GAK: variants seen among roughly 807,000 people sequenced by gnomAD.
GAK encodes cyclin-G-associated kinase.
Under a neutral mutation model 143.9 loss-of-function variants are expected in GAK, and 79 were observed. The ratio of observed to expected loss-of-function variants is 0.55; its 90% confidence interval spans 0.46 to 0.66. GAK has a LOEUF of 0.66. Ranked by LOEUF, GAK falls within the 30% of genes least tolerant of loss-of-function variation. The pLI is 0.00. For synonymous variants in GAK, 881 were observed against 765.5 expected (o/e 1.15, Z -2.49); for missense variants, 1,693 against 1,779.7 (o/e 0.95, Z 0.88).
At chr4:849,833 GACCCCCCC>G in intron 27 of GAK, 51 bp downstream of exon 27, 2 of 1,190,130 alleles carry the variant, frequency 1.7e-6, no homozygotes, top group Non-Finnish European at 2.3e-6. Flanking sequence ...GGCGGGGCAG[GACCCCCCC>G]CCCGCCCCGC....
intron 10 of GAK, 152 bp from the exon 11 acceptor site, chr4:889,122 A>G: frequency 2.0e-6 from 2 of 1,004,870 alleles, no homozygotes; most frequent in Non-Finnish European, 2.8e-6. Context: ...GGCTGGGCCC[A>G]GGCAGCAGGA....
At position 932,053 on chromosome 4, in the gene GAK, G is replaced by A. The variant is rs1725966863; in HGVS notation, c.135C>T (p.Val45=). The change falls in exon 1 of 28, where the codon GTC becomes GTT. Residue 45 remains valine (V), a synonymous_variant. Coordinates refer to ENST00000314167, the MANE Select transcript of GAK (RefSeq NM_005255.4). This position sits in a 1 kb window ranked among gnomAD's most constrained non-coding sequence, Gnocchi z 4.0. Reference sequence around the variant, plus strand: ...GACCCGGGGCCTCACCTTCGGCCAGGACCCGCCGCACCCGCAGCCGCAGCT... The same window carrying A: ...GACCCGGGGCCTCACCTTCGGCCAGAACCCGCCGCACCCGCAGCCGCAGCT... The part of the protein sequence containing the change: ...LGELRLRVRR[V]LAEGGFAFVY... 2 of 1,584,802 alleles carry A rather than the reference G, an allele frequency of 1.3e-6. No homozygotes were observed. The highest frequency in any genetic ancestry group is 1.1e-5 in the South Asian group (1 of 87,938).
At chr4:929,790 T>A (rs1372660858) in intron 1 of GAK, among the ~76,000 whole-genome samples, 1 of 152,048 alleles carries the variant, frequency 6.6e-6, no homozygotes, top group African/African-American at 2.4e-5. Flanking sequence ...AAGTCCAAAT[T>A]CCTAAAAGCT....
chr4:922,393 T>TA (rs978059931), intron 1 of GAK, among the ~76,000 whole-genome samples: 1 of 151,582 alleles, frequency 6.6e-6, no homozygotes, highest in Non-Finnish European at 1.5e-5. Context: ...TGGGCGCCTG[T>TA]AGTCCCAGCT....
rs1254423306 is a variant in GAK, at chr4:849,417, A to C, written c.*256T>G. On this transcript the variant is annotated 3_prime_UTR_variant, in exon 28 of 28. Coordinates refer to ENST00000314167, the MANE Select transcript of GAK (RefSeq NM_005255.4). The stretch of plus-strand genomic sequence containing the variant: ...AGAGGCCACGCCCGAAACACCAAAT[A>C]AATCACAGACGTGACAATTGCGGGA... 3 of 538,290 alleles carry C rather than the reference A, an allele frequency of 5.6e-6. No individual in the cohort carries two copies. The highest frequency in any genetic ancestry group is 4.7e-5 in the South Asian group (2 of 42,648). 33.3% of individuals were successfully genotyped at this position (538,290 alleles called of 1,614,324 possible).
chr4:859,292 C>T lies in GAK; in HGVS notation c.3283+314G>A, dbSNP rs1344918101. 8 of 1,293,170 alleles carry T rather than the reference C, an allele frequency of 6.2e-6. No homozygotes were observed. The Admixed American group carries it at 1.9e-4, about 30-fold the overall frequency. The allele number at this position is 1,293,170 out of a possible 1,614,324, so 80.1% of individuals were successfully genotyped here. A position where few individuals can be genotyped will look rare whatever the true frequency, so the allele number is the denominator to read the frequency against. On this transcript the variant is annotated intron_variant, in intron 24 of 27. Transcript: ENST00000314167. ...GGGACTGAGCAGAGCCCAGCTACAC[C>T]CCACTTCCATGCAGAGACCCCGCCT... is the stretch of plus-strand genomic sequence containing the variant.
At position 932,083 on chromosome 4, in the gene GAK, C is replaced by A; in HGVS notation, c.105G>T (p.Leu35=). The A allele has an allele frequency of 6.2e-7, 1 of 1,603,666 alleles. No homozygotes were observed. Residue 35 remains leucine, a synonymous_variant, in exon 1 of 28, where the codon CTG becomes CTT. Transcript: ENST00000314167. The surrounding 1 kb of genome is among the most constrained non-coding windows in gnomAD (Gnocchi z 4.0). ...QSDFVGQTVE[L]GELRLRVRRV... ...GCCGCACCCGCAGCCGCAGCTCGCCCAGTTCCACCGTCTGCCCCACGAAGT... is the reference window on the plus strand; with the variant it reads ...GCCGCACCCGCAGCCGCAGCTCGCCAAGTTCCACCGTCTGCCCCACGAAGT...
At position 859,177 on chromosome 4, in the gene GAK, G is replaced by A. The variant is rs548096384; in HGVS notation, c.3283+429C>T. ...TGGGACCGGAGACTCAGACCACAGC[G>A]CCCGGGCCGGGCCTGAGGCAGACGC... On this transcript the variant is annotated intron_variant, in intron 24 of 27. Coordinates refer to ENST00000314167, the MANE Select transcript of GAK (RefSeq NM_005255.4). 2.1e-5 allele frequency: 21 copies of A among 984,894 alleles called. No homozygotes were observed. In the South Asian group the frequency reaches 2.4e-4, roughly 11 times the overall value. 61.0% of individuals were successfully genotyped at this position (984,894 alleles called of 1,614,324 possible).
chr4:907,874 C>T (rs1224169383), intron 4 of GAK, among the ~76,000 whole-genome samples: 1 of 152,146 alleles, frequency 6.6e-6, no homozygotes, highest in Non-Finnish European at 1.5e-5. Flanking sequence ...AGTGAGCTGG[C>T]GCGCGCATGC....
At chr4:919,945 G>A (rs935806541) in intron 1 of GAK, among the ~76,000 whole-genome samples, 56 of 152,334 alleles carry the variant, frequency 3.7e-4, no homozygotes, top group African/African-American at 1.3e-3. Context: ...GAACCCAGGA[G>A]TTTGAGGCTG....
Position 893,787 on chromosome 4 carries a change from G to A in GAK, c.877+87C>T, listed in dbSNP as rs1055651742. 4.2e-6 allele frequency: 6 copies of A among 1,427,040 alleles called. No homozygotes were observed. The Admixed American group carries it at 1.5e-4, about 35-fold the overall frequency. The allele number at this position is 1,427,040 out of a possible 1,614,324, so 88.4% of individuals were successfully genotyped here. On this transcript the variant is annotated intron_variant, in intron 8 of 27. Coordinates refer to ENST00000314167, the MANE Select transcript of GAK (RefSeq NM_005255.4). ...GGGCGGGAGTGGGGCCAGGTGAGCA[G>A]TGCCCCAAGGGGAGCGGGGTCTCCA...
intron 24 of GAK, chr4:859,395 T>C (rs2152714719): frequency 1.3e-6 from 2 of 1,508,312 alleles, no homozygotes; most frequent in Non-Finnish European, 1.8e-6. Context: ...GCAGTGCCAG[T>C]GTCAGCAACT....
intron 22 of GAK, 147 bp from the exon 23 acceptor site, chr4:865,391 C>T: frequency 4.3e-6 from 4 of 933,312 alleles, no homozygotes; most frequent in Non-Finnish European, 6.5e-6. Context: ...CCTCTCTCTT[C>T]CTGAAGGGTC....
chr4:907,757 G>A (rs984337255), intron 4 of GAK, among the ~76,000 whole-genome samples: 4 of 152,270 alleles, frequency 2.6e-5, no homozygotes, highest in Non-Finnish European at 5.9e-5. Flanking sequence ...CATCCCTCCC[G>A]CTTCTCAGAG....
chr4:911,092 C>T (rs1285108807), intron 4 of GAK, among the ~76,000 whole-genome samples: 1 of 152,172 alleles, frequency 6.6e-6, no homozygotes, highest in Non-Finnish European at 1.5e-5. Flanking sequence ...GCCTCTCTTC[C>T]TGTCCTGACA....
chr4:864,485 G>A (rs982940987), intron 23 of GAK, among the ~76,000 whole-genome samples: 4 of 152,326 alleles, frequency 2.6e-5, no homozygotes, highest in South Asian at 2.1e-4. Flanking sequence ...AAGCAAACCC[G>A]CGACATCGCT....
chr4:898,313 G>A (rs535825536), intron 5 of GAK, among the ~76,000 whole-genome samples, 155 bp from the exon 6 acceptor site: 21 of 152,176 alleles, frequency 1.4e-4, no homozygotes, highest in Non-Finnish European at 2.5e-4. Context: ...TCACACCTGC[G>A]GACACAGCCA....
At chr4:881,604 C>T (rs1715119018) in intron 15 of GAK, among the ~76,000 whole-genome samples, 1 of 150,836 alleles carries the variant, frequency 6.6e-6, no homozygotes, top group Admixed American at 6.5e-5. Flanking sequence ...ACGGCATTTT[C>T]ACGTGCATTA....
chr4:913,908 G>GC lies in GAK; in HGVS notation c.146-241dup, dbSNP rs1444741050. On this transcript the variant is annotated intron_variant, in intron 1 of 27. Coordinates refer to ENST00000314167, the MANE Select transcript of GAK (RefSeq NM_005255.4). ...CACACACACAGCCCCAGCGTGCACG[G>GC]CCCCACACACACACACAGCCCCAGC... 16 of 228,468 alleles carry GC rather than the reference G, an allele frequency of 7.0e-5. No individual in the cohort carries two copies. The African/African-American group carries it at 1.0e-3, about 14-fold the overall frequency. 14.2% of individuals were successfully genotyped at this position (228,468 alleles called of 1,614,324 possible). A position where few individuals can be genotyped will look rare whatever the true frequency, so the allele number is the denominator to read the frequency against.
Sources: allele counts gnomAD v4.1 joint callset (sites outside exome capture counted in the v4.1 genomes callset), GRCh38; gene constraint gnomAD v4.1.1; non-coding constraint Gnocchi (gnomAD v3.1); transcripts MANE v1.5; gene names NCBI Gene and HGNC (gene_info 2026-07-23, HGNC 2026-07-21).